CDK14: variants seen among roughly 807,000 people sequenced by gnomAD.
CDK14 encodes cyclin dependent kinase 14.
CDK14 carries 34 observed loss-of-function variants against 60.7 expected under a neutral mutation model. The ratio of observed to expected loss-of-function variants is 0.56; its 90% CI spans 0.43 to 0.75. The LOEUF (loss-of-function observed/expected upper bound fraction) is 0.75. CDK14 is among the 30% of genes least tolerant of loss of function. The probability of loss-of-function intolerance (pLI) is 0.00; values close to 1 mark genes in which losing one functional copy is unlikely to be tolerated. For missense variants in CDK14, 482 were observed against 564.1 expected, an observed-to-expected ratio of 0.85 and a Z score of 1.47; for synonymous variants, 197 against 203.7, an observed-to-expected ratio of 0.97 and a Z score of 0.28.
intron 5 of CDK14, among the ~76,000 whole-genome samples, chr7:90,807,073 C>G (rs1390468013): frequency 6.6e-6 from 1 of 152,194 alleles, no homozygotes; most frequent in Non-Finnish European, 1.5e-5. Flanking sequence ...GCAGCAGAAA[C>G]CTCTGCAGAC....
intron 12 of CDK14, among the ~76,000 whole-genome samples, chr7:91,103,363 T>C (rs1799196989): frequency 6.6e-6 from 1 of 152,218 alleles, no homozygotes; most frequent in African/African-American, 2.4e-5. Context: ...CACTTTCCAT[T>C]CCATCTTTTC....
In CDK14 at chr7:91,014,402, A is replaced by G. The variant is rs192186125; in HGVS notation, c.1041+30161A>G. ...GTAATCCAGAACAGAATTTGATATT[A>G]CTTTGTGAACTTTTCGTTCCTTTCT... On this transcript the variant is annotated intron_variant, in intron 10 of 14. Coordinates refer to ENST00000380050, the MANE Select transcript of CDK14 (RefSeq NM_001287135.2). Among the ~76,000 whole-genome samples the G allele has an allele frequency of 1.2e-3, 178 of 152,308 alleles. 1 individual carries two copies. Among genetic ancestry groups the G allele is most frequent in the African/African-American group, 4.1e-3 (171 of 41,570 alleles).
chr7:90,996,586 G>T (rs561113173), intron 10 of CDK14, among the ~76,000 whole-genome samples: 3 of 152,254 alleles, frequency 2.0e-5, no homozygotes, highest in African/African-American at 7.2e-5. Flanking sequence ...ATCTGACCTT[G>T]GAGCTGAATT....
rs149444253 is a variant in CDK14 at position 90,910,961 on chromosome 7, G to T, written c.703-6640G>T. 3.2e-4 allele frequency among the ~76,000 whole-genome samples: 49 copies of T among 152,182 alleles called. No individual in the cohort carries two copies. The East Asian group carries it at 9.1e-3, about 28-fold the overall frequency. On this transcript the variant is annotated intron_variant, in intron 7 of 14. Transcript: ENST00000380050. ...CCTCCACCCTCTGGTAGGCCACAGT[G>T]TGTGTTTTTCCCCTCTCTGTGCCCA...
At chr7:90,655,155 C>T (rs527683064) in intron 2 of CDK14, among the ~76,000 whole-genome samples, 1 of 152,288 alleles carries the variant, frequency 6.6e-6, no homozygotes, top group East Asian at 1.9e-4. Context: ...CTTTCCATGG[C>T]TTGACAGCTC....
At chr7:91,030,659 G>A (rs1196268884) in intron 10 of CDK14, among the ~76,000 whole-genome samples, 4 of 152,222 alleles carry the variant, frequency 2.6e-5, no homozygotes, top group African/African-American at 9.6e-5. Flanking sequence ...GAGGCACCCT[G>A]CGGCTGCCTC....
intron 8 of CDK14, among the ~76,000 whole-genome samples, chr7:90,955,358 A>G (rs1260125615): frequency 6.6e-6 from 1 of 152,088 alleles, no homozygotes; most frequent in African/African-American, 2.4e-5. Flanking sequence ...TGACCAAGGA[A>G]CCCTTTCTCA....
chr7:91,198,436 G>A (rs529202156), intron 14 of CDK14, among the ~76,000 whole-genome samples: 17 of 152,328 alleles, frequency 1.1e-4, no homozygotes, highest in Admixed American at 1.0e-3. Flanking sequence ...AAGGATCCAG[G>A]AAGATTGTAC....
chr7:91,061,468 G>T (rs1037730862), intron 11 of CDK14, among the ~76,000 whole-genome samples: 6 of 152,204 alleles, frequency 3.9e-5, no homozygotes, highest in African/African-American at 1.4e-4. Flanking sequence ...TGGAGGAGGA[G>T]AGGCACTCTG....
At chr7:90,788,993 C>T (rs1805714812) in intron 4 of CDK14, among the ~76,000 whole-genome samples, 1 of 152,136 alleles carries the variant, frequency 6.6e-6, no homozygotes, top group Non-Finnish European at 1.5e-5. Context: ...TTGGTATCCT[C>T]TATGTAGGAT....
chr7:90,777,901 G>C (rs774886032), intron 4 of CDK14, among the ~76,000 whole-genome samples: 2 of 152,158 alleles, frequency 1.3e-5, no homozygotes, highest in African/African-American at 4.8e-5. Context: ...CAAGTATCAT[G>C]TTTCTTAATG....
chr7:90,665,107 C>T (rs1800947826), intron 2 of CDK14, among the ~76,000 whole-genome samples: 1 of 151,838 alleles, frequency 6.6e-6, no homozygotes, highest in African/African-American at 2.4e-5. Flanking sequence ...TGGTGAAATC[C>T]AGTCTCTACT....
chr7:90,924,189 G>A (rs1424869546), intron 8 of CDK14, among the ~76,000 whole-genome samples: 2 of 152,238 alleles, frequency 1.3e-5, no homozygotes. Flanking sequence ...TCTCTGCAGA[G>A]TCCTGAGGCG....
At chr7:90,732,508 C>G (rs994628258) in intron 3 of CDK14, among the ~76,000 whole-genome samples, 3 of 152,288 alleles carry the variant, frequency 2.0e-5, no homozygotes, top group African/African-American at 7.2e-5. Flanking sequence ...ATTACTGCCT[C>G]AATTTCAGAA....
At chr7:90,675,264 G>C (rs970839995) in intron 2 of CDK14, among the ~76,000 whole-genome samples, 1 of 152,030 alleles carries the variant, frequency 6.6e-6, no homozygotes, top group Non-Finnish European at 1.5e-5. Flanking sequence ...TTGTGCCACA[G>C]CTGCTGTTTT....
intron 11 of CDK14, among the ~76,000 whole-genome samples, chr7:91,070,850 A>C (rs995607546): frequency 3.9e-5 from 6 of 152,202 alleles, no homozygotes; most frequent in African/African-American, 1.4e-4. Context: ...AATACTAGTA[A>C]GAAAAGACAT....
chr7:90,758,421 A>G (rs1352579722), intron 4 of CDK14, among the ~76,000 whole-genome samples: 1 of 152,192 alleles, frequency 6.6e-6, no homozygotes, highest in Non-Finnish European at 1.5e-5. Flanking sequence ...ATAGGATTAA[A>G]AAATTATGCA....
At chr7:91,066,461 C>A (rs1204496260) in intron 11 of CDK14, among the ~76,000 whole-genome samples, 1 of 152,298 alleles carries the variant, frequency 6.6e-6, no homozygotes, top group East Asian at 1.9e-4. Flanking sequence ...GTTGTTTGAA[C>A]TTTTTATTCA....
intron 3 of CDK14, among the ~76,000 whole-genome samples, chr7:90,729,354 T>TTTTTG (rs1802766681): frequency 8.1e-6 from 1 of 123,982 alleles, no homozygotes; most frequent in African/African-American, 3.3e-5. Flanking sequence ...GTTTTTTTTT[T>TTTTTG]TTTTTTTTTT....
Sources: gnomAD v4.1 joint callset for allele counts (sites outside exome capture counted in the v4.1 genomes callset) on GRCh38, gnomAD v4.1.1 for gene constraint, MANE v1.5 for transcripts, NCBI Gene and HGNC (gene_info 2026-07-23, HGNC 2026-07-21) for gene names.